The following RASAL2 variants were observed in gnomAD, a reference collection of about 807,000 sequenced individuals.
The protein encoded by RASAL2 is RAS protein activator like 2.
A neutral mutation model predicts 128.9 loss-of-function variants in RASAL2; 58 were observed. That is an observed-to-expected ratio of 0.45 (90% CI 0.36 to 0.56). RASAL2 has a LOEUF of 0.56. RASAL2 is among the 20% of genes least tolerant of loss of function. The probability of loss-of-function intolerance (pLI) is 0.00; values close to 1 mark genes in which losing one functional copy is unlikely to be tolerated. For missense variants in RASAL2, 1,360 were observed against 1,601.6 expected (o/e 0.85, Z 2.57); for synonymous variants, 561 against 580.8 (o/e 0.97, Z 0.49).
At chr1:178,425,568 AC>A (rs1675462946) in intron 5 of RASAL2, among the ~76,000 whole-genome samples, 2 of 150,704 alleles carry the variant, frequency 1.3e-5, no homozygotes, top group Non-Finnish European at 2.9e-5. Flanking sequence ...AATGACTGAA[AC>A]AAGGTAGAAT....
intron 1 of RASAL2, among the ~76,000 whole-genome samples, chr1:178,149,170 GA>G (rs1660829782): frequency 6.6e-6 from 1 of 152,084 alleles, no homozygotes; most frequent in Non-Finnish European, 1.5e-5. Context: ...GGGTATTAAT[GA>G]TATGAAAATT....
chr1:178,400,083 T>C (rs1460681774), intron 4 of RASAL2, among the ~76,000 whole-genome samples: 1 of 152,208 alleles, frequency 6.6e-6, no homozygotes, highest in Non-Finnish European at 1.5e-5. Flanking sequence ...GAACTACCTT[T>C]TACTTCAAAA....
chr1:178,170,255 T>G (rs1661662157), intron 1 of RASAL2, among the ~76,000 whole-genome samples: 1 of 151,880 alleles, frequency 6.6e-6, no homozygotes, highest in African/African-American at 2.4e-5. Flanking sequence ...TCTCCCTATT[T>G]TAATATTTAT....
intron 1 of RASAL2, among the ~76,000 whole-genome samples, chr1:178,249,003 G>C (rs1231408468): frequency 6.6e-6 from 1 of 152,150 alleles, no homozygotes; most frequent in Admixed American, 6.5e-5. Flanking sequence ...TGGAGAATCT[G>C]ATGATTATGT....
intron 1 of RASAL2, among the ~76,000 whole-genome samples, chr1:178,268,907 C>G (rs1254685179): frequency 6.6e-6 from 1 of 152,190 alleles, no homozygotes; most frequent in East Asian, 1.9e-4. Flanking sequence ...TGTTGAGATA[C>G]TACTTGCTTC....
At chr1:178,311,834 GA>G (rs1272208160) in intron 3 of RASAL2, among the ~76,000 whole-genome samples, 3 of 151,464 alleles carry the variant, frequency 2.0e-5, no homozygotes, top group African/African-American at 7.3e-5. Context: ...AAAAGAAGAA[GA>G]AGAAAAGAAA....
At chr1:178,232,575 T>A (rs1664053267) in intron 1 of RASAL2, among the ~76,000 whole-genome samples, 1 of 152,230 alleles carries the variant, frequency 6.6e-6, no homozygotes, top group South Asian at 2.1e-4. Context: ...CTTTTTAAAT[T>A]CTTCATAGTG....
chr1:178,301,493 C>T (rs963609778), intron 3 of RASAL2, among the ~76,000 whole-genome samples: 5 of 151,780 alleles, frequency 3.3e-5, no homozygotes, highest in Admixed American at 6.6e-5. Context: ...AGTGCAATGG[C>T]GTGATCTTGG....
At chr1:178,461,812 G>A (rs562865177) in intron 14 of RASAL2, among the ~76,000 whole-genome samples, 37 of 152,118 alleles carry the variant, frequency 2.4e-4, no homozygotes, top group Non-Finnish European at 4.4e-4. Context: ...ATGGGAATCC[G>A]ACTATTTCAC....
intron 1 of RASAL2, among the ~76,000 whole-genome samples, chr1:178,102,401 A>T (rs769424442): frequency 6.6e-6 from 1 of 151,962 alleles, no homozygotes; most frequent in Non-Finnish European, 1.5e-5. Context: ...GCTCATGCCC[A>T]GGTTGGAGTG....
At chr1:178,433,468 T>C (rs1386013449) in intron 5 of RASAL2, among the ~76,000 whole-genome samples, 2 of 152,146 alleles carry the variant, frequency 1.3e-5, no homozygotes, top group Non-Finnish European at 2.9e-5. Flanking sequence ...CACCTTTGTA[T>C]TCCTTGCATC....
chr1:178,101,588 TAAC>T (rs1321884631), intron 1 of RASAL2, among the ~76,000 whole-genome samples: 1 of 152,210 alleles, frequency 6.6e-6, no homozygotes, highest in Admixed American at 6.5e-5. Flanking sequence ...ATAGATAAGA[TAAC>T]AAAATTCGGA....
chr1:178,335,461 A>G (rs1669539382), intron 3 of RASAL2, among the ~76,000 whole-genome samples: 1 of 152,182 alleles, frequency 6.6e-6, no homozygotes, highest in African/African-American at 2.4e-5. Context: ...ATTTCTTCCA[A>G]ACAACACAAA....
chr1:178,431,797 C>T (rs1675922705), intron 5 of RASAL2, among the ~76,000 whole-genome samples: 2 of 151,320 alleles, frequency 1.3e-5, no homozygotes. Context: ...CTCTTAAAAA[C>T]AGTATTGTAC....
At chr1:178,172,806 T>C (rs1661747879) in intron 1 of RASAL2, among the ~76,000 whole-genome samples, 1 of 152,088 alleles carries the variant, frequency 6.6e-6, no homozygotes, top group Non-Finnish European at 1.5e-5. Flanking sequence ...GTATGTTTCA[T>C]TGGCAGCTCA....
chr1:178,160,927 C>T (rs1031439380), intron 1 of RASAL2, among the ~76,000 whole-genome samples: 1 of 152,200 alleles, frequency 6.6e-6, no homozygotes, highest in African/African-American at 2.4e-5. Context: ...TTTGACACTT[C>T]TGACCCTAAT....
At chr1:178,384,795 A>G (rs1672467627) in intron 3 of RASAL2, among the ~76,000 whole-genome samples, 1 of 152,000 alleles carries the variant, frequency 6.6e-6, no homozygotes, top group South Asian at 2.1e-4. Context: ...TAACTCTTTT[A>G]AAAGAAAAAA....
chr1:178,179,517 G>T (rs1662015022), intron 1 of RASAL2, among the ~76,000 whole-genome samples: 1 of 152,166 alleles, frequency 6.6e-6, no homozygotes, highest in African/African-American at 2.4e-5. Context: ...AAGGAGAGAG[G>T]ACAGGTAGTG....
chr1:178,202,340 A>T (rs1213557474), intron 1 of RASAL2, among the ~76,000 whole-genome samples: 5 of 152,196 alleles, frequency 3.3e-5, no homozygotes, highest in East Asian at 3.9e-4. Flanking sequence ...TGATGGCCTC[A>T]TGGGGAGTTC....
Sources: allele counts gnomAD v4.1 joint callset (sites outside exome capture counted in the v4.1 genomes callset), GRCh38; gene constraint gnomAD v4.1.1; transcripts MANE v1.5; gene names NCBI Gene and HGNC (gene_info 2026-07-23, HGNC 2026-07-21).